The following ITFG1 variants were observed in gnomAD, a reference collection of about 807,000 sequenced individuals.
The protein encoded by ITFG1 is integrin alpha FG-GAP repeat containing 1, also known as T-cell immunomodulatory protein.
Under a neutral mutation model 81.8 loss-of-function variants are expected in ITFG1, and 34 were observed. The ratio of observed to expected loss-of-function variants is 0.42; its 90% confidence interval spans 0.32 to 0.55. The LOEUF is 0.55. Among genes scored for constraint, ITFG1 ranks in the 20% least tolerant of loss-of-function variants. The pLI is 0.17. For synonymous variants in ITFG1, 285 were observed against 270.6 expected (o/e 1.05, Z -0.52); for missense variants, 672 against 755.4 (o/e 0.89, Z 1.29).
At chr16:47,296,311 CA>C (rs765125385) in intron 10 of ITFG1, among the ~76,000 whole-genome samples, 3 of 151,642 alleles carry the variant, frequency 2.0e-5, no homozygotes, top group Non-Finnish European at 2.9e-5. Context: ...TGCTATATCC[CA>C]GGGGTTTTAA....
At position 47,454,161 on chromosome 16, in the gene ITFG1, A is replaced by C. The variant is rs1215748640; in HGVS notation, c.282-3T>G. 6.3e-7 allele frequency: 1 copy of C among 1,594,766 alleles called. No homozygotes were observed. Among genetic ancestry groups the C allele is most frequent in the Admixed American group, 1.7e-5 (1 of 57,406 alleles). ...TTGTTATCAATGCACTGTGATTCCT[A>C]AAAGAAACAAGCATTTACAAATATC... On this transcript the variant is annotated splice_region_variant and splice_polypyrimidine_tract_variant and intron_variant, in intron 2 of 17. Transcript: ENST00000320640.
intron 5 of ITFG1, among the ~76,000 whole-genome samples, chr16:47,438,004 G>A (rs535195250): frequency 5.3e-5 from 8 of 152,292 alleles, no homozygotes; most frequent in African/African-American, 9.6e-5. Context: ...CTTTTCCAAC[G>A]GGCTTAACAA....
intron 5 of ITFG1, among the ~76,000 whole-genome samples, chr16:47,435,390 A>G (rs1387456513): frequency 6.6e-6 from 1 of 152,236 alleles, no homozygotes; most frequent in African/African-American, 2.4e-5. Flanking sequence ...GGTCATTCTA[A>G]GCCACACTGA....
At chr16:47,327,936 C>T (rs879096420) in intron 8 of ITFG1, among the ~76,000 whole-genome samples, 1 of 152,108 alleles carries the variant, frequency 6.6e-6, no homozygotes, top group Non-Finnish European at 1.5e-5. Flanking sequence ...GGATCTAGAA[C>T]TAGAAATACC....
At chr16:47,275,634 T>A (rs1966390389) in intron 10 of ITFG1, among the ~76,000 whole-genome samples, 1 of 150,696 alleles carries the variant, frequency 6.6e-6, no homozygotes, top group Non-Finnish European at 1.5e-5. Flanking sequence ...TCATATGTAA[T>A]CTTCTCCATT....
At chr16:47,336,221 A>G (rs1223165724) in intron 8 of ITFG1, among the ~76,000 whole-genome samples, 1 of 152,250 alleles carries the variant, frequency 6.6e-6, no homozygotes, top group Non-Finnish European at 1.5e-5. Context: ...AGACACCCAG[A>G]GAAAACAAGC....
intron 14 of ITFG1, among the ~76,000 whole-genome samples, chr16:47,169,224 G>T (rs921716970): frequency 6.6e-6 from 1 of 152,032 alleles, no homozygotes; most frequent in Non-Finnish European, 1.5e-5. Context: ...TTACAGTTCC[G>T]TATCAATTTG....
chr16:47,267,988 G>A (rs184866186), intron 10 of ITFG1, among the ~76,000 whole-genome samples: 56 of 151,846 alleles, frequency 3.7e-4, no homozygotes, highest in African/African-American at 1.2e-3. Context: ...GCCAAAAATA[G>A]AAGAGCAAAT....
intron 12 of ITFG1, among the ~76,000 whole-genome samples, chr16:47,253,356 A>C (rs1160194535): frequency 1.3e-5 from 2 of 152,194 alleles, no homozygotes; most frequent in Non-Finnish European, 2.9e-5. Context: ...ACCTTGTTTC[A>C]TGTATACCTA....
chr16:47,335,458 TA>T (rs1291497990), intron 8 of ITFG1, among the ~76,000 whole-genome samples: 1 of 151,954 alleles, frequency 6.6e-6, no homozygotes, highest in African/African-American at 2.4e-5. Context: ...GAGTGGAGAA[TA>T]AAAGAATTGC....
intron 5 of ITFG1, among the ~76,000 whole-genome samples, chr16:47,431,505 T>C (rs1376463782): frequency 6.6e-6 from 1 of 152,122 alleles, no homozygotes; most frequent in Non-Finnish European, 1.5e-5. Context: ...AAAAACTGAG[T>C]TCCATGACAC....
At chr16:47,384,875 C>T (rs1356446954) in intron 6 of ITFG1, among the ~76,000 whole-genome samples, 2 of 152,144 alleles carry the variant, frequency 1.3e-5, no homozygotes, top group Non-Finnish European at 2.9e-5. Flanking sequence ...GTCAGGAGTT[C>T]GAGACCAGCC....
intron 10 of ITFG1, among the ~76,000 whole-genome samples, chr16:47,271,001 T>C (rs1966333201): frequency 6.6e-6 from 1 of 152,210 alleles, no homozygotes; most frequent in Non-Finnish European, 1.5e-5. Context: ...TGCATTTGTA[T>C]ACCAAAACAT....
chr16:47,183,690 A>G (rs1965166041), intron 14 of ITFG1, among the ~76,000 whole-genome samples: 1 of 152,198 alleles, frequency 6.6e-6, no homozygotes. Flanking sequence ...ATGGGGAAAA[A>G]ACAGAGCAGA....
At chr16:47,220,889 A>G (rs1489944225) in intron 13 of ITFG1, among the ~76,000 whole-genome samples, 1 of 152,222 alleles carries the variant, frequency 6.6e-6, no homozygotes, top group Non-Finnish European at 1.5e-5. Context: ...CAACTTTTTC[A>G]GAACTTTGCA....
chr16:47,170,052 T>C (rs1356141024), intron 14 of ITFG1, among the ~76,000 whole-genome samples: 2 of 152,242 alleles, frequency 1.3e-5, no homozygotes, highest in Non-Finnish European at 2.9e-5. Context: ...TCATAAAGTA[T>C]AAATACTTTT....
intron 8 of ITFG1, among the ~76,000 whole-genome samples, chr16:47,345,897 C>T (rs1967847519): frequency 6.6e-6 from 1 of 152,094 alleles, no homozygotes; most frequent in South Asian, 2.1e-4. Context: ...ATATATAGAG[C>T]AAATATTAAT....
chr16:47,232,837 C>T (rs1354086843), intron 13 of ITFG1, among the ~76,000 whole-genome samples: 3 of 151,850 alleles, frequency 2.0e-5, no homozygotes, highest in Non-Finnish European at 4.4e-5. Context: ...GATGGGGTTT[C>T]AGCACGTTGC....
chr16:47,378,808 C>T (rs527705934), intron 6 of ITFG1, among the ~76,000 whole-genome samples: 1 of 152,100 alleles, frequency 6.6e-6, no homozygotes, highest in Non-Finnish European at 1.5e-5. Flanking sequence ...ATGCCTCAGA[C>T]TTTGAATGAA....
Sources: gnomAD v4.1 joint callset for allele counts (sites outside exome capture counted in the v4.1 genomes callset) on GRCh38, gnomAD v4.1.1 for gene constraint, MANE v1.5 for transcripts, NCBI Gene and HGNC (gene_info 2026-07-23, HGNC 2026-07-21) for gene names.